ALDH9A1: variants seen among roughly 807,000 people sequenced by gnomAD.
The protein encoded by ALDH9A1 is aldehyde dehydrogenase 9 family member A1, also known as 4-trimethylaminobutyraldehyde dehydrogenase.
In ALDH9A1, 42 loss-of-function variants were observed where a neutral mutation model predicts 56.6. That is an observed-to-expected ratio of 0.74 (90% CI 0.58 to 0.96). The LOEUF (loss-of-function observed/expected upper bound fraction) is 0.96, where lower values mean the gene tolerates loss of function less well. Among genes scored for constraint, ALDH9A1 ranks in the 40% least tolerant of loss-of-function variants. The probability of loss-of-function intolerance (pLI) is 0.00; values close to 1 mark genes in which losing one functional copy is unlikely to be tolerated. For synonymous variants in ALDH9A1, 242 were observed against 236.0 expected (o/e 1.03, Z -0.23); for missense variants, 661 against 651.5 (o/e 1.01, Z -0.16).
In ALDH9A1 at chr1:165,667,410, G is replaced by C; in HGVS notation, c.1248C>G (p.Ile416Met). The stretch of plus-strand genomic sequence containing the variant: ...ATAAAATGGACATAACAGGCCCAAA[G>C]ATCTCTTCCTTCACACAGGTCATGT... ...RDDMTCVKEE[I>M]FGPVMSILSF... The change falls in exon 9 of 11, where the codon ATC (isoleucine) becomes ATG (methionine). Residue 416 changes from isoleucine (I) to methionine (M), a missense_variant. Coordinates refer to ENST00000354775, the MANE Select transcript of ALDH9A1 (RefSeq NM_000696.4). 1 of 1,614,048 alleles carries C rather than the reference G, an allele frequency of 6.2e-7. No homozygotes were observed.
chr1:165,680,543 G>A lies in ALDH9A1; in HGVS notation c.733C>T (p.Gln245Ter). ...GAGACTTTGGCCACATCGGGATGCTGACACAGAAACTGGCCTGTGGCAGCC... is the reference window on the plus strand; with the variant it reads ...GAGACTTTGGCCACATCGGGATGCTAACACAGAAACTGGCCTGTGGCAGCC... Reference protein sequence around the residue: ...GGAATGQFLCQHPDVAKVSFT... With the variant: ...GGAATGQFLC The change falls in exon 5 of 11, where the codon CAG becomes TAG. Residue 245 changes from glutamine (Q) to a stop codon, truncating the protein, a stop_gained. Coordinates refer to ENST00000354775, the MANE Select transcript of ALDH9A1 (RefSeq NM_000696.4). LOFTEE classifies it high-confidence loss of function. 6.2e-7 allele frequency: 1 copy of A among 1,614,202 alleles called. No homozygotes were observed. Among genetic ancestry groups the A allele is most frequent in the Non-Finnish European group, 8.5e-7 (1 of 1,180,028 alleles).
chr1:165,695,179 G>A (rs981839524), intron 2 of ALDH9A1, 73 bp downstream of exon 2: 3 of 1,467,504 alleles, frequency 2.0e-6, no homozygotes, highest in African/African-American at 1.5e-5. Flanking sequence ...TTGCAACAAA[G>A]TCGAACTGCA....
intron 10 of ALDH9A1, 23 bp downstream of exon 10, chr1:165,664,995 A>G (rs750296610): frequency 6.3e-7 from 1 of 1,592,242 alleles, no homozygotes; most frequent in East Asian, 2.2e-5. Context: ...CCTAGTTTGC[A>G]TTCACACCTC....
chr1:165,682,343 C>G, intron 3 of ALDH9A1, 102 bp from the exon 4 acceptor site: 1 of 1,253,854 alleles, frequency 8.0e-7, no homozygotes, highest in Non-Finnish European at 1.1e-6. Flanking sequence ...ACGCAGCCTC[C>G]CCACTTCTCC....
chr1:165,689,778 A>T (rs1649826806), intron 2 of ALDH9A1, among the ~76,000 whole-genome samples: 2 of 151,968 alleles, frequency 1.3e-5, no homozygotes, highest in South Asian at 4.2e-4. Flanking sequence ...TACTAAAAAT[A>T]CAAAAAATAG....
At chr1:165,678,203 G>A (rs1329525154) in intron 6 of ALDH9A1, among the ~76,000 whole-genome samples, 3 of 151,558 alleles carry the variant, frequency 2.0e-5, no homozygotes, top group Admixed American at 6.6e-5. Flanking sequence ...GCATGGTGGC[G>A]GGCACCTGTA....
chr1:165,664,947 T>C, intron 10 of ALDH9A1, 71 bp downstream of exon 10: 1 of 1,207,888 alleles, frequency 8.3e-7, no homozygotes, highest in African/African-American at 1.5e-5. Context: ...TTAGGAATAC[T>C]GGTTTATAAG....
At chr1:165,688,422 C>G (rs971550558) in intron 2 of ALDH9A1, among the ~76,000 whole-genome samples, 2 of 152,138 alleles carry the variant, frequency 1.3e-5, no homozygotes, top group African/African-American at 4.8e-5. Context: ...CTTATGAGCA[C>G]CAGAAATGGT....
At chr1:165,689,518 T>C (rs1649819053) in intron 2 of ALDH9A1, among the ~76,000 whole-genome samples, 1 of 152,236 alleles carries the variant, frequency 6.6e-6, no homozygotes, top group Non-Finnish European at 1.5e-5. Context: ...CAGTAATTTC[T>C]ATTTAAATGA....
At chr1:165,664,966 T>C (rs1648960812) in intron 10 of ALDH9A1, 52 bp downstream of exon 10, 4 of 1,406,582 alleles carry the variant, frequency 2.8e-6, no homozygotes, top group Non-Finnish European at 3.0e-6. Flanking sequence ...AGGTCTGAAT[T>C]ACGACCTAGC....
intron 6 of ALDH9A1, among the ~76,000 whole-genome samples, chr1:165,675,248 GCT>G (rs34495301): frequency 1.3e-4 from 19 of 150,570 alleles, no homozygotes; most frequent in African/African-American, 2.7e-4. Context: ...TATTTTTAGT[GCT>G]CTCTCTCTCT....
In ALDH9A1 at chr1:165,698,492, C is replaced by T; in HGVS notation, c.67G>A (p.Ala23Thr). ...LLRSLRPSPVAAMSTGTFVVS... is the reference protein window; with the variant it reads ...LLRSLRPSPVTAMSTGTFVVS... ...ACGAAGGTGCCAGTGCTCATGGCGG[C>T]GACAGGAGAGGGCCGAAGACTGCGA... The change falls in exon 1 of 11, where the codon GCC (alanine) becomes ACC (threonine). Residue 23 changes from alanine to threonine, a missense_variant. By Grantham distance (58) the Ala-to-Thr change is moderately conservative. Coordinates refer to ENST00000354775, the MANE Select transcript of ALDH9A1 (RefSeq NM_000696.4). 3 of 1,608,298 alleles carry T rather than the reference C, an allele frequency of 1.9e-6. No individual in the cohort carries two copies. Among genetic ancestry groups the T allele is most frequent in the Non-Finnish European group, 2.5e-6 (3 of 1,177,786 alleles).
chr1:165,682,420 C>T lies in ALDH9A1; in HGVS notation c.458-179G>A, dbSNP rs2271658. 4.1e-4 allele frequency among the ~76,000 whole-genome samples: 62 copies of T among 152,300 alleles called. No homozygotes were observed. The East Asian group carries it at 0.011, about 28-fold the overall frequency. On this transcript the variant is annotated intron_variant, in intron 3 of 10. Transcript: ENST00000354775. ...CCAGGCAGTCTTCCACTGGCTTCCA[C>T]GTATTCTCTCCACATAGAGAACCCT... is the stretch of plus-strand genomic sequence containing the variant.
intron 6 of ALDH9A1, among the ~76,000 whole-genome samples, chr1:165,670,744 T>C (rs1472522608): frequency 6.6e-6 from 1 of 152,186 alleles, no homozygotes; most frequent in Non-Finnish European, 1.5e-5. Flanking sequence ...TTATTATATG[T>C]GAGTTTTGAA....
intron 2 of ALDH9A1, among the ~76,000 whole-genome samples, chr1:165,687,757 G>A (rs1649757415): frequency 6.6e-6 from 1 of 152,142 alleles, no homozygotes; most frequent in South Asian, 2.1e-4. Context: ...GGAAGCCGAG[G>A]TGGGCGGATC....
intron 6 of ALDH9A1, among the ~76,000 whole-genome samples, chr1:165,675,208 TAATAA>T (rs1378543034): frequency 6.6e-6 from 1 of 151,698 alleles, no homozygotes; most frequent in Non-Finnish European, 1.5e-5. Context: ...AAAATAATAA[TAATAA>T]AATAAATTCA....
At chr1:165,694,509 T>A (rs1305740627) in intron 2 of ALDH9A1, among the ~76,000 whole-genome samples, 1 of 152,132 alleles carries the variant, frequency 6.6e-6, no homozygotes, top group African/African-American at 2.4e-5. Flanking sequence ...TAACTCTCTT[T>A]TTTTTAAAGG....
In ALDH9A1 at chr1:165,685,826, C is replaced by T. The variant is rs144341273; in HGVS notation, c.328-2716G>A. Among the ~76,000 whole-genome samples, 369 of 152,308 alleles carry T rather than the reference C, an allele frequency of 2.4e-3. 2 individuals are homozygous for T. Among genetic ancestry groups the T allele is most frequent in the African/African-American group, 8.5e-3 (353 of 41,566 alleles). ...TCTGGTGGCACTGTACAAGACAAAC[C>T]AACCTGGGCCAGGGCTGGAGGCAAG... is the stretch of plus-strand genomic sequence containing the variant. On this transcript the variant is annotated intron_variant, in intron 2 of 10. Coordinates refer to ENST00000354775, the MANE Select transcript of ALDH9A1 (RefSeq NM_000696.4).
intron 1 of ALDH9A1, among the ~76,000 whole-genome samples, chr1:165,696,208 C>T (rs1425476931): frequency 6.6e-6 from 1 of 152,134 alleles, no homozygotes; most frequent in African/African-American, 2.4e-5. Flanking sequence ...ATAAAAGTTG[C>T]AGACCTCTCT....
Sources: gnomAD v4.1 joint callset for allele counts (sites outside exome capture counted in the v4.1 genomes callset) on GRCh38, gnomAD v4.1.1 for gene constraint, MANE v1.5 for transcripts, NCBI Gene and HGNC (gene_info 2026-07-23, HGNC 2026-07-21) for gene names.